The following C1QTNF2 variants were observed in gnomAD, a reference collection of about 807,000 sequenced individuals.
The protein encoded by C1QTNF2 is C1q and TNF related 2, also known as complement C1q tumor necrosis factor-related protein 2.
In C1QTNF2, 15 loss-of-function variants were observed where a neutral mutation model predicts 17.4. The ratio of observed to expected loss-of-function variants is 0.86; its 90% CI spans 0.58 to 1.33. The LOEUF (loss-of-function observed/expected upper bound fraction) is 1.33, where lower values mean the gene tolerates loss of function less well. Ranked by LOEUF, C1QTNF2 falls within the 40% of genes most tolerant of loss-of-function variation. C1QTNF2 has a pLI of 0.00. For synonymous variants in C1QTNF2, 154 were observed against 163.3 expected, an observed-to-expected ratio of 0.94 and a Z score of 0.44; for missense variants, 381 against 392.3, an observed-to-expected ratio of 0.97 and a Z score of 0.24.
chr5:160,352,531 T>C (rs775270945), intron 2 of C1QTNF2, among the ~76,000 whole-genome samples: 2 of 152,186 alleles, frequency 1.3e-5, no homozygotes, highest in Non-Finnish European at 2.9e-5. Context: ...GCAGAACAGA[T>C]GGCCAAAGGC....
chr5:160,351,805 T>C (rs1469862470), intron 2 of C1QTNF2, among the ~76,000 whole-genome samples: 5 of 149,062 alleles, frequency 3.4e-5, no homozygotes, highest in Admixed American at 2.7e-4. Context: ...ACAAAAAGAA[T>C]GGGAAAAAAT....
chr5:160,355,488 G>T (rs530423431), intron 1 of C1QTNF2, among the ~76,000 whole-genome samples: 10 of 152,310 alleles, frequency 6.6e-5, no homozygotes, highest in African/African-American at 2.4e-4. Flanking sequence ...TGCACATGAG[G>T]AGGGCTGAGG....
chr5:160,350,750 ATTTTT>A (rs1354840992), intron 2 of C1QTNF2, among the ~76,000 whole-genome samples: 2 of 140,256 alleles, frequency 1.4e-5, no homozygotes, highest in Non-Finnish European at 3.1e-5. Flanking sequence ...CACAATGCCA[ATTTTT>A]TTTTTTTTTT....
intron 1 of C1QTNF2, among the ~76,000 whole-genome samples, chr5:160,366,016 C>T (rs1356836769): frequency 6.6e-6 from 1 of 152,048 alleles, no homozygotes; most frequent in Non-Finnish European, 1.5e-5. Context: ...TGAGTGAGTT[C>T]TTTAGTGGTG....
chr5:160,365,197 G>A (rs1259287761), intron 1 of C1QTNF2, among the ~76,000 whole-genome samples: 3 of 152,142 alleles, frequency 2.0e-5, no homozygotes, highest in African/African-American at 4.8e-5. Flanking sequence ...CCAGGCAGGC[G>A]GCAGGGGAAG....
intron 1 of C1QTNF2, among the ~76,000 whole-genome samples, chr5:160,363,797 A>C (rs1203995087): frequency 6.6e-6 from 1 of 152,202 alleles, no homozygotes; most frequent in African/African-American, 2.4e-5. Context: ...CATTGTCTGC[A>C]GCTGTTTTCT....
In C1QTNF2 at chr5:160,370,502, G is replaced by A; in HGVS notation, c.-10+10C>T. Reference sequence around the variant, plus strand: ...GCCGCCCCCGCCCGACCGCGGTGCGGGACACTCACCCTCGCGGCTGCCCGC... The same window carrying A: ...GCCGCCCCCGCCCGACCGCGGTGCGAGACACTCACCCTCGCGGCTGCCCGC... On this transcript the variant is annotated intron_variant, in intron 1 of 2. Coordinates refer to ENST00000652664, the MANE Select transcript of C1QTNF2 (RefSeq NM_031908.6). 6.8e-7 allele frequency: 1 copy of A among 1,467,856 alleles called. No homozygotes were observed. The highest frequency in any genetic ancestry group is 8.9e-7 in the Non-Finnish European group (1 of 1,119,288). 90.9% of individuals were successfully genotyped at this position (1,467,856 alleles called of 1,614,324 possible).
intron 2 of C1QTNF2, among the ~76,000 whole-genome samples, chr5:160,353,723 G>A (rs1478948911): frequency 4.0e-5 from 6 of 149,942 alleles, no homozygotes; most frequent in South Asian, 2.1e-4. Flanking sequence ...AAGCAGAGCC[G>A]TGACAATGAT....
chr5:160,354,700 T>C (rs938285951), intron 2 of C1QTNF2, 68 bp downstream of exon 2: 1 of 1,587,202 alleles, frequency 6.3e-7, no homozygotes, highest in African/African-American at 1.4e-5. Flanking sequence ...ATTAACTTCA[T>C]GATGCCCCCC....
At chr5:160,360,093 C>T (rs1041922034) in intron 1 of C1QTNF2, among the ~76,000 whole-genome samples, 2 of 152,206 alleles carry the variant, frequency 1.3e-5, no homozygotes, top group Admixed American at 6.5e-5. Context: ...TCCAGGCATT[C>T]CCTGATGTGC....
At position 160,361,661 on chromosome 5, in the gene C1QTNF2, GCC is replaced by G. The variant is rs1764156223; in HGVS notation, c.-9-6643_-9-6642del. On this transcript the variant is annotated intron_variant, in intron 1 of 2. Coordinates refer to ENST00000652664, the MANE Select transcript of C1QTNF2 (RefSeq NM_031908.6). ...GGAATGCATTCAAAGATTCTATTTAGCCCAGTGTTTGACACTGTAAACGCTCC... is the reference window on the plus strand; with the variant it reads ...GGAATGCATTCAAAGATTCTATTTAGCAGTGTTTGACACTGTAAACGCTCC... Among the ~76,000 whole-genome samples the G allele has an allele frequency of 2.0e-5, 3 of 152,278 alleles. No individual in the cohort carries two copies. The South Asian group carries it at 6.2e-4, about 32-fold the overall frequency.
rs1763827131 is a variant in C1QTNF2 at position 160,347,756 on chromosome 5, T to G, written c.*1412A>C. The G allele has an allele frequency of 2.7e-5, 1 of 36,868 alleles. No homozygotes were observed. Among genetic ancestry groups the G allele is most frequent in the South Asian group, 4.9e-4 (1 of 2,046 alleles). The allele number at this position is 36,868 out of a possible 1,614,324, so 2.3% of individuals were successfully genotyped here. A position where few individuals can be genotyped will look rare whatever the true frequency, so the allele number is the denominator to read the frequency against. ...CAGTACCTGCGTTTTTGTTTTTGTT[T>G]TTTTTTTTTTTTTGTTTTTTTTTGA... On this transcript the variant is annotated 3_prime_UTR_variant, in exon 3 of 3. Coordinates refer to ENST00000652664, the MANE Select transcript of C1QTNF2 (RefSeq NM_031908.6).
intron 2 of C1QTNF2, among the ~76,000 whole-genome samples, chr5:160,350,761 T>C (rs888064233): frequency 2.6e-5 from 4 of 151,806 alleles, no homozygotes; most frequent in African/African-American, 9.7e-5. Flanking sequence ...TTTTTTTTTT[T>C]TTTTTTTGAG....
intron 1 of C1QTNF2, among the ~76,000 whole-genome samples, chr5:160,361,791 T>A (rs548315054): frequency 6.6e-6 from 1 of 152,306 alleles, no homozygotes; most frequent in African/African-American, 2.4e-5. Context: ...AGGTCTCATA[T>A]CATCTCCTCA....
At chr5:160,352,779 C>T (rs1277254786) in intron 2 of C1QTNF2, among the ~76,000 whole-genome samples, 1 of 152,194 alleles carries the variant, frequency 6.6e-6, no homozygotes, top group Non-Finnish European at 1.5e-5. Context: ...TACTTTTATA[C>T]TAATCTCCTG....
intron 2 of C1QTNF2, among the ~76,000 whole-genome samples, chr5:160,352,943 T>C (rs1337407226): frequency 3.3e-5 from 5 of 152,234 alleles, no homozygotes; most frequent in African/African-American, 1.2e-4. Context: ...CTTCATACAT[T>C]GTTTTATTTC....
chr5:160,367,646 C>A (rs1207938492), intron 1 of C1QTNF2, among the ~76,000 whole-genome samples: 2 of 152,136 alleles, frequency 1.3e-5, no homozygotes, highest in African/African-American at 4.8e-5. Flanking sequence ...TGATGGGCTT[C>A]CAGCCTCTAG....
At chr5:160,359,715 T>G (rs1230810607) in intron 1 of C1QTNF2, among the ~76,000 whole-genome samples, 1 of 152,196 alleles carries the variant, frequency 6.6e-6, no homozygotes, top group Admixed American at 6.5e-5. Context: ...GGGGACAGCC[T>G]CCTGGGCCCT....
intron 1 of C1QTNF2, among the ~76,000 whole-genome samples, chr5:160,357,853 G>A (rs576349827): frequency 6.6e-5 from 10 of 151,296 alleles, no homozygotes; most frequent in Admixed American, 1.3e-4. Flanking sequence ...AGAGCCAGCC[G>A]GACGAGAGAG....
Sources: allele counts gnomAD v4.1 joint callset (sites outside exome capture counted in the v4.1 genomes callset), GRCh38; gene constraint gnomAD v4.1.1; transcripts MANE v1.5; gene names NCBI Gene and HGNC (gene_info 2026-07-23, HGNC 2026-07-21).